The following EXOC4 variants were observed in gnomAD, a reference collection of about 807,000 sequenced individuals.
EXOC4 encodes exocyst complex component 4.
A neutral mutation model predicts 107.2 loss-of-function variants in EXOC4; 71 were observed. That is an observed-to-expected ratio of 0.66 (90% CI 0.55 to 0.81). The LOEUF (loss-of-function observed/expected upper bound fraction) is 0.81, where lower values mean the gene tolerates loss of function less well. Ranked by LOEUF, EXOC4 falls within the 30% of genes least tolerant of loss-of-function variation. EXOC4 has a pLI of 0.00. For synonymous variants in EXOC4, 456 were observed against 441.2 expected, an observed-to-expected ratio of 1.03 and a Z score of -0.42; for missense variants, 1,108 against 1,189.6, an observed-to-expected ratio of 0.93 and a Z score of 1.01.
chr7:134,016,162 A>G (rs1443607191), intron 17 of EXOC4, among the ~76,000 whole-genome samples: 2 of 152,168 alleles, frequency 1.3e-5, no homozygotes, highest in Admixed American at 6.5e-5. Context: ...TGTGGTGAGT[A>G]TAAGATGGAT....
intron 17 of EXOC4, among the ~76,000 whole-genome samples, chr7:134,044,976 C>A (rs1272910245): frequency 6.6e-6 from 1 of 152,136 alleles, no homozygotes; most frequent in Admixed American, 6.5e-5. Context: ...AACTTTAACC[C>A]TGAAAGTATA....
At chr7:133,557,293 G>C (rs1199998081) in intron 9 of EXOC4, among the ~76,000 whole-genome samples, 2 of 150,994 alleles carry the variant, frequency 1.3e-5, no homozygotes, top group African/African-American at 2.4e-5. Flanking sequence ...AAACACAAAA[G>C]TCTTAGGTTG....
intron 10 of EXOC4, among the ~76,000 whole-genome samples, chr7:133,801,137 A>G (rs1194090112): frequency 6.6e-6 from 1 of 152,178 alleles, no homozygotes; most frequent in Non-Finnish European, 1.5e-5. Flanking sequence ...ATTACAGGAT[A>G]ATGAATTATA....
At chr7:133,830,818 CG>C (rs1386700037) in intron 11 of EXOC4, among the ~76,000 whole-genome samples, 2 of 152,130 alleles carry the variant, frequency 1.3e-5, no homozygotes, top group Non-Finnish European at 2.9e-5. Context: ...CCTTATTTTG[CG>C]TATATGTGTG....
intron 14 of EXOC4, among the ~76,000 whole-genome samples, chr7:133,938,620 T>C (rs1385901551): frequency 2.6e-5 from 4 of 152,172 alleles, no homozygotes; most frequent in Admixed American, 6.5e-5. Flanking sequence ...AACATGAAAT[T>C]AGGGGGAACC....
chr7:133,604,050 A>G (rs768911173), intron 9 of EXOC4, among the ~76,000 whole-genome samples: 4 of 151,404 alleles, frequency 2.6e-5, no homozygotes, highest in Non-Finnish European at 2.9e-5. Context: ...AAACTAGGAT[A>G]TAAACACACA....
intron 5 of EXOC4, among the ~76,000 whole-genome samples, chr7:133,341,563 A>G (rs1584831414): frequency 6.6e-6 from 1 of 152,284 alleles, no homozygotes; most frequent in East Asian, 1.9e-4. Flanking sequence ...GTTCTATGGT[A>G]TGGTTAAGTC....
rs139532781 is a variant in EXOC4 at position 133,794,256 on chromosome 7, C to A, written c.1515-23069C>A. 5.6e-4 allele frequency among the ~76,000 whole-genome samples: 85 copies of A among 152,228 alleles called. No individual in the cohort carries two copies. The Middle Eastern group carries it at 0.017, about 30-fold the overall frequency. ...AAATAACTCTTTGAAGATACTTTTT[C>A]ATGTACATTCGGGAGACATCAGTAA... On this transcript the variant is annotated intron_variant, in intron 10 of 17. Transcript: ENST00000253861.
In EXOC4 at chr7:133,921,989, T is replaced by C. The variant is rs201120364; in HGVS notation, c.2027+4251T>C. On this transcript the variant is annotated intron_variant, in intron 13 of 17. Coordinates refer to ENST00000253861, the MANE Select transcript of EXOC4 (RefSeq NM_021807.4). ...GTGTCTCCAGTTCTTTCCTTGGCCA[T>C]ATCCAGTCTATTGCTGAGCCCATCA... is the stretch of plus-strand genomic sequence containing the variant. Among the ~76,000 whole-genome samples the C allele has an allele frequency of 2.0e-4, 31 of 152,180 alleles. No homozygotes were observed. In the East Asian group the frequency reaches 4.8e-3, roughly 24 times the overall value.
At chr7:133,451,672 G>A (rs1798351320) in intron 7 of EXOC4, among the ~76,000 whole-genome samples, 4 of 152,076 alleles carry the variant, frequency 2.6e-5, no homozygotes, top group Admixed American at 2.6e-4. Flanking sequence ...GAGTTACACG[G>A]ACTTATTTGG....
chr7:133,784,097 TAA>T (rs1250562345), intron 10 of EXOC4, among the ~76,000 whole-genome samples: 16 of 152,196 alleles, frequency 1.1e-4, no homozygotes, highest in Non-Finnish European at 2.1e-4. Flanking sequence ...TCTAATCAAT[TAA>T]AAATGCCGCT....
At chr7:133,711,868 T>A (rs1380481842) in intron 10 of EXOC4, among the ~76,000 whole-genome samples, 1 of 152,154 alleles carries the variant, frequency 6.6e-6, no homozygotes, top group Non-Finnish European at 1.5e-5. Context: ...TGCCTTCCTG[T>A]TTATTTATTT....
intron 10 of EXOC4, among the ~76,000 whole-genome samples, chr7:133,678,288 G>A (rs375614250): frequency 6.6e-6 from 1 of 152,198 alleles, no homozygotes; most frequent in East Asian, 1.9e-4. Flanking sequence ...CACTCATTTG[G>A]ATAAGAACTT....
intron 1 of EXOC4, 84 bp downstream of exon 1, chr7:133,253,271 C>A (rs1794933606): frequency 2.0e-6 from 3 of 1,489,200 alleles, no homozygotes; most frequent in South Asian, 2.4e-5. Flanking sequence ...TAGCTGGGTC[C>A]CACCCTGCTC....
intron 7 of EXOC4, among the ~76,000 whole-genome samples, chr7:133,432,880 C>A (rs1258975262): frequency 1.3e-5 from 2 of 152,194 alleles, no homozygotes; most frequent in African/African-American, 4.8e-5. Context: ...GTAAGGTAGA[C>A]AGCTTAGCAA....
At chr7:133,622,323 C>G (rs1401588883) in intron 9 of EXOC4, among the ~76,000 whole-genome samples, 1 of 151,990 alleles carries the variant, frequency 6.6e-6, no homozygotes, top group East Asian at 1.9e-4. Flanking sequence ...GGATTTCTGT[C>G]AGTGTTTCTG....
At chr7:134,097,176 G>A in the EXOC4 span, among the ~76,000 whole-genome samples, 314 of 152,230 alleles carry the variant, frequency 2.1e-3, no homozygotes, top group Middle Eastern at 0.01. Context: ...AACTCCCAAT[G>A]ATTGGAGATG....
intron 11 of EXOC4, among the ~76,000 whole-genome samples, chr7:133,842,069 T>C (rs1354681409): frequency 1.3e-5 from 2 of 152,242 alleles, no homozygotes; most frequent in Non-Finnish European, 2.9e-5. Context: ...GACATTTAGG[T>C]TGATTCCATG....
intron 10 of EXOC4, among the ~76,000 whole-genome samples, chr7:133,650,947 T>TTTTG: frequency 1.3e-5 from 1 of 75,680 alleles, no homozygotes; most frequent in Middle Eastern, 5.3e-3. Context: ...GTTTTTTTTT[T>TTTTG]TTTTTTTTTT....
Sources: gnomAD v4.1 joint callset for allele counts (sites outside exome capture counted in the v4.1 genomes callset) on GRCh38, gnomAD v4.1.1 for gene constraint, MANE v1.5 for transcripts, NCBI Gene and HGNC (gene_info 2026-07-23, HGNC 2026-07-21) for gene names.